SLC6A15: variants seen among roughly 807,000 people sequenced by gnomAD.
The protein encoded by SLC6A15 is solute carrier family 6 member 15.
A neutral mutation model predicts 68.5 loss-of-function variants in SLC6A15; 33 were observed. That is an observed-to-expected ratio of 0.48 (90% CI 0.37 to 0.64). The LOEUF (loss-of-function observed/expected upper bound fraction) is 0.64, where lower values mean the gene tolerates loss of function less well. SLC6A15 is among the 30% of genes least tolerant of loss of function. The pLI is 0.00. For missense variants in SLC6A15, 747 were observed against 874.3 expected, an observed-to-expected ratio of 0.85 and a Z score of 1.84; for synonymous variants, 347 against 301.0, an observed-to-expected ratio of 1.15 and a Z score of -1.58.
intron 3 of SLC6A15, 151 bp from the exon 4 acceptor site, chr12:84,885,712 CT>C: frequency 9.5e-7 from 1 of 1,050,520 alleles, no homozygotes. Flanking sequence ...AAGTTAATGT[CT>C]TTCTCAGGAC....
At chr12:84,887,951 C>T (rs1282509010) in intron 2 of SLC6A15, among the ~76,000 whole-genome samples, 2 of 151,974 alleles carry the variant, frequency 1.3e-5, no homozygotes, top group Non-Finnish European at 2.9e-5. Flanking sequence ...TGAGGCTGGG[C>T]ACGGTGGCTC....
At chr12:84,910,861 G>T (rs867520466) in intron 1 of SLC6A15, among the ~76,000 whole-genome samples, 1 of 152,100 alleles carries the variant, frequency 6.6e-6, no homozygotes. Context: ...CATTAGGCTG[G>T]TCCTCCACTT....
chr12:84,906,642 T>A (rs1873170075), intron 1 of SLC6A15, among the ~76,000 whole-genome samples: 1 of 152,178 alleles, frequency 6.6e-6, no homozygotes, highest in South Asian at 2.1e-4. Flanking sequence ...TATGCCTAAC[T>A]AATTTTTGAT....
intron 3 of SLC6A15, 32 bp downstream of exon 3, chr12:84,885,879 A>C (rs772173211): frequency 1.3e-6 from 2 of 1,567,394 alleles, no homozygotes; most frequent in African/African-American, 2.8e-5. Context: ...CCCTATAAAG[A>C]TTACAGCATA....
intron 2 of SLC6A15, among the ~76,000 whole-genome samples, chr12:84,886,526 G>A (rs1033683292): frequency 2.0e-5 from 3 of 150,242 alleles, no homozygotes; most frequent in Admixed American, 6.6e-5. Context: ...TGGCATTAAC[G>A]TTGACTTTTT....
intron 5 of SLC6A15, chr12:84,883,438 G>C: frequency 9.1e-7 from 1 of 1,099,848 alleles, no homozygotes; most frequent in Non-Finnish European, 1.1e-6. Flanking sequence ...CTATTCCTTA[G>C]AACACCTACA....
chr12:84,889,949 A>G (rs1309940391), intron 2 of SLC6A15, among the ~76,000 whole-genome samples: 1 of 152,140 alleles, frequency 6.6e-6, no homozygotes, highest in Non-Finnish European at 1.5e-5. Flanking sequence ...TGACTCTATT[A>G]CCTTTTTTTT....
At chr12:84,888,680 A>G (rs1280540804) in intron 2 of SLC6A15, among the ~76,000 whole-genome samples, 5 of 152,136 alleles carry the variant, frequency 3.3e-5, no homozygotes, top group Admixed American at 3.3e-4. Flanking sequence ...TACTTGGGTG[A>G]GGGGTACATT....
intron 7 of SLC6A15, 55 bp downstream of exon 7, chr12:84,873,032 A>G (rs1035687696): frequency 2.6e-6 from 4 of 1,563,656 alleles, no homozygotes; most frequent in African/African-American, 1.4e-5. Context: ...CAATAAAAGT[A>G]TAAATAACAA....
intron 9 of SLC6A15, chr12:84,867,636 G>A (rs945212465): frequency 6.6e-6 from 1 of 152,038 alleles, no homozygotes; most frequent in Non-Finnish European, 1.5e-5. Context: ...GACTAATATT[G>A]CTTATATTAT....
Position 84,891,864 on chromosome 12 carries a change from C to A in SLC6A15, c.257G>T (p.Arg86Leu). Residue 86 changes from arginine to leucine, a missense_variant, in exon 2 of 12, where the codon CGA (arginine) becomes CTA (leucine). Transcript: ENST00000266682. Reference sequence around the variant, plus strand: ...ATTCTTCTGACATAGGTATGGAAATCGCCACACATTTCCTAAACCTACAGA... The same window carrying A: ...ATTCTTCTGACATAGGTATGGAAATAGCCACACATTTCCTAAACCTACAGA... ...GFSVGLGNVWRFPYLCQKNGG... is the reference protein window; with the variant it reads ...GFSVGLGNVWLFPYLCQKNGG... The A allele has an allele frequency of 1.9e-6, 3 of 1,613,708 alleles. No homozygotes were observed. The highest frequency in any genetic ancestry group is 2.5e-6 in the Non-Finnish European group (3 of 1,179,748).
At chr12:84,900,401 T>C (rs1450912460) in intron 1 of SLC6A15, among the ~76,000 whole-genome samples, 7 of 152,020 alleles carry the variant, frequency 4.6e-5, no homozygotes, top group Non-Finnish European at 1.0e-4. Context: ...CATCAGTCAA[T>C]AATGATAATT....
chr12:84,866,412 T>G (rs1035119418), intron 10 of SLC6A15, among the ~76,000 whole-genome samples: 35 of 152,210 alleles, frequency 2.3e-4, no homozygotes, highest in African/African-American at 2.4e-5. Flanking sequence ...TTATTCATTA[T>G]TTATGCGTAT....
rs376807543 is a variant in SLC6A15 at position 84,872,838 on chromosome 12, T to A, written c.1110-44A>T. The A allele has an allele frequency of 9.5e-6, 14 of 1,475,014 alleles. No homozygotes were observed. In the African/African-American group the frequency reaches 2.0e-4, roughly 21 times the overall value. 91.4% of individuals were successfully genotyped at this position (1,475,014 alleles called of 1,614,324 possible). A position where few individuals can be genotyped will look rare whatever the true frequency, so the allele number is the denominator to read the frequency against. The stretch of plus-strand genomic sequence containing the variant: ...TACAAATGAGCACATAAGAGTTCTT[T>A]GGTGTATAGTTTGTGAACGACTATG... On this transcript the variant is annotated intron_variant, in intron 7 of 11. Coordinates refer to ENST00000266682, the MANE Select transcript of SLC6A15 (RefSeq NM_182767.6).
chr12:84,907,312 A>G (rs1042148671), intron 1 of SLC6A15, among the ~76,000 whole-genome samples: 1 of 151,946 alleles, frequency 6.6e-6, no homozygotes, highest in African/African-American at 2.4e-5. Flanking sequence ...CGCGCCACTG[A>G]ACTCCAGCCT....
At chr12:84,909,296 A>G (rs1282672871) in intron 1 of SLC6A15, among the ~76,000 whole-genome samples, 1 of 152,194 alleles carries the variant, frequency 6.6e-6, no homozygotes, top group Non-Finnish European at 1.5e-5. Flanking sequence ...ACCTTAGCAC[A>G]TTAATCACAA....
At chr12:84,900,065 T>A (rs947088812) in intron 1 of SLC6A15, among the ~76,000 whole-genome samples, 1 of 152,070 alleles carries the variant, frequency 6.6e-6, no homozygotes, top group African/African-American at 2.4e-5. Flanking sequence ...ATTTCATTGA[T>A]CTATTTGGGG....
chr12:84,900,035 T>C (rs956868846), intron 1 of SLC6A15, among the ~76,000 whole-genome samples: 1 of 152,082 alleles, frequency 6.6e-6, no homozygotes, highest in African/African-American at 2.4e-5. Context: ...CCTACTAGGA[T>C]TTAAAATTGA....
chr12:84,867,226 T>C (rs79714331), intron 9 of SLC6A15, 33 bp from the exon 10 acceptor site: 99,569 of 1,541,692 alleles, frequency 0.065, 3,755 homozygotes, highest in Non-Finnish European at 0.078. Context: ...AAAATGAGAC[T>C]CTATTCAGAG....
Sources: allele counts gnomAD v4.1 joint callset (sites outside exome capture counted in the v4.1 genomes callset), GRCh38; gene constraint gnomAD v4.1.1; transcripts MANE v1.5; gene names NCBI Gene and HGNC (gene_info 2026-07-23, HGNC 2026-07-21).